The following KLK13 variants were observed in gnomAD, a reference collection of about 807,000 sequenced individuals.
The protein encoded by KLK13 is kallikrein related peptidase 13, also known as kallikrein-13.
A neutral mutation model predicts 22.4 loss-of-function variants in KLK13; 19 were observed. The observed-to-expected ratio is 0.85, with a 90% CI of 0.59 to 1.24. The LOEUF is 1.24. Among genes scored for constraint, KLK13 ranks in the 50% most tolerant of loss-of-function variants. The pLI, the probability that KLK13 is intolerant of heterozygous loss-of-function variation, is 0.00. For synonymous variants in KLK13, 156 were observed against 141.8 expected (o/e 1.10, Z -0.71); for missense variants, 311 against 347.9 (o/e 0.89, Z 0.84).
Position 51,055,902 on chromosome 19 carries a change from T to G in KLK13, c.*685A>C, listed in dbSNP as rs2091671334. On this transcript the variant is annotated 3_prime_UTR_variant, in exon 5 of 5. Coordinates refer to ENST00000595793, the MANE Select transcript of KLK13 (RefSeq NM_015596.3). ...TACTGAACCCTATAACTCTAGAGAC[T>G]AGGGTGCCATTGATTCAGAGAGGGA... Among the ~76,000 whole-genome samples, 2 of 152,118 alleles carry G rather than the reference T, an allele frequency of 1.3e-5. No individual in the cohort carries two copies. The highest frequency in any genetic ancestry group is 1.3e-4 in the Admixed American group (2 of 15,276).
At chr19:51,058,847 T>C (rs1268333733) in intron 3 of KLK13, among the ~76,000 whole-genome samples, 173 bp from the exon 4 acceptor site, 1 of 151,360 alleles carries the variant, frequency 6.6e-6, no homozygotes, top group Non-Finnish European at 1.5e-5. Flanking sequence ...GACAGAAATA[T>C]GGAGGGACAT....
chr19:51,059,980 TG>T lies in KLK13; in HGVS notation c.352del (p.His118ThrfsTer2). The T allele has an allele frequency of 6.2e-7, 1 of 1,613,454 alleles. No individual in the cohort carries two copies. Among genetic ancestry groups the T allele is most frequent in the Non-Finnish European group, 8.5e-7 (1 of 1,179,622 alleles). On this transcript the variant is annotated frameshift_variant, in exon 3 of 5. Coordinates refer to ENST00000595793, the MANE Select transcript of KLK13 (RefSeq NM_015596.3). LOFTEE classifies it high-confidence loss of function. ...CATGATGTCATGGTCGTGGTTCAGGTGGGTGGGGCTTCTCCGGTATTCAGGG... is the reference window on the plus strand; with the variant it reads ...CATGATGTCATGGTCGTGGTTCAGGTGGTGGGGCTTCTCCGGTATTCAGGG... ...PHPEYRRSPTHLNHDHDIMLL... is the reference protein window; with the variant it reads ...PHPEYRRSPTXLNHDHDIMLL...
rs1026026616 is a variant in KLK13, at chr19:51,062,594, A to G, written c.53-1975T>C. Among the ~76,000 whole-genome samples the G allele has an allele frequency of 2.0e-5, 3 of 152,172 alleles. No individual in the cohort carries two copies. The South Asian group carries it at 6.2e-4, about 32-fold the overall frequency. ...GTGTGTGCCAGGCACTGTGTCTGGC[A>G]TTGAAAGCACAGCAGGGGTCCGTGG... On this transcript the variant is annotated intron_variant, in intron 1 of 4. Coordinates refer to ENST00000595793, the MANE Select transcript of KLK13 (RefSeq NM_015596.3).
At position 51,061,307 on chromosome 19, in the gene KLK13, T is replaced by A. The variant is rs559009226; in HGVS notation, c.53-688A>T. Among the ~76,000 whole-genome samples the A allele has an allele frequency of 2.6e-5, 4 of 152,288 alleles. No individual in the cohort carries two copies. The South Asian group carries it at 8.3e-4, about 32-fold the overall frequency. ...CCAATCATCTTTCCACCCATCTCTC[T>A]ATCCTTTCACTGCATATATACTGGT... On this transcript the variant is annotated intron_variant, in intron 1 of 4. Transcript: ENST00000595793.
intron 3 of KLK13, chr19:51,059,539 A>G (rs2091705863): frequency 5.9e-6 from 1 of 170,048 alleles, no homozygotes; most frequent in Non-Finnish European, 1.2e-5. Flanking sequence ...TTTTTGTATA[A>G]TATATAATTA....
At chr19:51,061,917 C>T (rs994779860) in intron 1 of KLK13, among the ~76,000 whole-genome samples, 7 of 152,166 alleles carry the variant, frequency 4.6e-5, no homozygotes, top group African/African-American at 1.7e-4. Context: ...TCTTCAAACA[C>T]ACCAGGCATT....
In KLK13 at chr19:51,056,225, ATAGGAC is replaced by A; in HGVS notation, c.*356_*361del. 2 of 219,240 alleles carry A rather than the reference ATAGGAC, an allele frequency of 9.1e-6. No individual in the cohort carries two copies. Among genetic ancestry groups the A allele is most frequent in the Admixed American group, 5.4e-5 (1 of 18,496 alleles). 13.6% of individuals were successfully genotyped at this position (219,240 alleles called of 1,614,324 possible). On this transcript the variant is annotated 3_prime_UTR_variant, in exon 5 of 5. Coordinates refer to ENST00000595793, the MANE Select transcript of KLK13 (RefSeq NM_015596.3). ...GGATGTTGTCAAGGATGGTCCATTT[ATAGGAC>A]ATATATTGTTGAGATGGGCTGATGG...
chr19:51,059,605 T>G lies in KLK13; in HGVS notation c.508+220A>C, dbSNP rs557924115. On this transcript the variant is annotated intron_variant, in intron 3 of 4. Transcript: ENST00000595793. ...ATAATATATTCATATATTAGATCTA[T>G]TTATATTTCTATATATTCATGAATT... 6.0e-5 allele frequency: 16 copies of G among 264,968 alleles called. No individual in the cohort carries two copies. In the South Asian group the frequency reaches 6.7e-4, roughly 11 times the overall value. 16.4% of individuals were successfully genotyped at this position (264,968 alleles called of 1,614,324 possible).
intron 1 of KLK13, 61 bp from the exon 2 acceptor site, chr19:51,060,680 T>G: frequency 2.2e-6 from 3 of 1,385,198 alleles, no homozygotes; most frequent in Non-Finnish European, 3.0e-6. Flanking sequence ...GCCCTGGGGT[T>G]GTGGTTTCTG....
At chr19:51,057,130 A>G (rs1419397985) in intron 4 of KLK13, among the ~76,000 whole-genome samples, 1 of 61,314 alleles carries the variant, frequency 1.6e-5, no homozygotes, top group Non-Finnish European at 4.3e-5. Context: ...CCCTGGTACT[A>G]AATCACCCCC....
intron 1 of KLK13, chr19:51,064,811 G>A: frequency 1.6e-6 from 1 of 609,240 alleles, no homozygotes; most frequent in Non-Finnish European, 2.9e-6. Context: ...GGAGGTGAAG[G>A]GTCTGGGGTC....
At chr19:51,063,341 A>T (rs1342858655) in intron 1 of KLK13, among the ~76,000 whole-genome samples, 1 of 152,108 alleles carries the variant, frequency 6.6e-6, no homozygotes, top group Admixed American at 6.6e-5. Flanking sequence ...TCAGGACAGT[A>T]ATATAAAGTT....
chr19:51,058,132 A>C (rs1321691573), intron 4 of KLK13, among the ~76,000 whole-genome samples: 1 of 152,250 alleles, frequency 6.6e-6, no homozygotes, highest in African/African-American at 2.4e-5. Flanking sequence ...AGAATAAAGA[A>C]GAGCTGAGAG....
upstream of KLK13, among the ~76,000 whole-genome samples, chr19:51,065,432 A>C (rs916604232): frequency 6.6e-6 from 1 of 151,678 alleles, no homozygotes. Context: ...GTCTGTCCAC[A>C]CGCTTGGTAT....
At chr19:51,064,777 A>G in intron 1 of KLK13, 1 of 627,722 alleles carries the variant, frequency 1.6e-6, no homozygotes, top group South Asian at 1.7e-5. Flanking sequence ...TGAACGCGGG[A>G]GGGGCTGCTG....
intron 1 of KLK13, among the ~76,000 whole-genome samples, chr19:51,064,225 C>T (rs2091756166): frequency 6.6e-6 from 1 of 152,020 alleles, no homozygotes; most frequent in Non-Finnish European, 1.5e-5. Context: ...GGCTCGGTGG[C>T]TCATGCCTGT....
In KLK13 at chr19:51,059,939, A is replaced by C; in HGVS notation, c.394T>G (p.Ser132Ala). ...ATGTAGCCTGTGAGCTGGACCGGGG[A>C]CTGCAGCTCCAGAAGCATGATGTCA... ...DHDIMLLELQ[S>A]PVQLTGYIQT... The change falls in exon 3 of 5, where the codon TCC becomes GCC. Residue 132 changes from serine (S) to alanine (A), a missense_variant. By Grantham distance (99) the Ser-to-Ala change is moderately conservative (BLOSUM62 1). Coordinates refer to ENST00000595793, the MANE Select transcript of KLK13 (RefSeq NM_015596.3). The C allele has an allele frequency of 5.0e-6, 8 of 1,612,264 alleles. No homozygotes were observed. The highest frequency in any genetic ancestry group is 6.8e-6 in the Non-Finnish European group (8 of 1,179,082).
At position 51,065,029 on chromosome 19, in the gene KLK13, C is replaced by T; in HGVS notation, c.39G>A (p.Leu13=). ...GCGCATTCTTACCTCCTGACAAGGCCAAGGTCAGGGAGGCGATCACTAGGG... is the reference window on the plus strand; with the variant it reads ...GCGCATTCTTACCTCCTGACAAGGCTAAGGTCAGGGAGGCGATCACTAGGG... The part of the protein sequence containing the change: ...PLALVIASLT[L]ALSGGVSQES... Residue 13 remains leucine, a synonymous_variant, in exon 1 of 5, where the codon TTG becomes TTA. Coordinates refer to ENST00000595793, the MANE Select transcript of KLK13 (RefSeq NM_015596.3). The T allele has an allele frequency of 6.6e-7, 1 of 1,515,658 alleles. No homozygotes were observed. The highest frequency in any genetic ancestry group is 8.9e-7 in the Non-Finnish European group (1 of 1,124,194). 93.9% of individuals were successfully genotyped at this position (1,515,658 alleles called of 1,614,324 possible). A position where few individuals can be genotyped will look rare whatever the true frequency, so the allele number is the denominator to read the frequency against.
At position 51,060,768 on chromosome 19, in the gene KLK13, A is replaced by G. The variant is rs1396209246; in HGVS notation, c.53-149T>C. 8 of 584,632 alleles carry G rather than the reference A, an allele frequency of 1.4e-5. No individual in the cohort carries two copies. The Admixed American group carries it at 2.1e-4, about 15-fold the overall frequency. 36.2% of individuals were successfully genotyped at this position (584,632 alleles called of 1,614,324 possible). A position where few individuals can be genotyped will look rare whatever the true frequency, so the allele number is the denominator to read the frequency against. ...AATTTGCCGACCTATGGCAGTTGCTATTCTTGACCAAGTGGAGATGAATTA... is the reference window on the plus strand; with the variant it reads ...AATTTGCCGACCTATGGCAGTTGCTGTTCTTGACCAAGTGGAGATGAATTA... On this transcript the variant is annotated intron_variant, in intron 1 of 4. Coordinates refer to ENST00000595793, the MANE Select transcript of KLK13 (RefSeq NM_015596.3).
Sources: allele counts gnomAD v4.1 joint callset (sites outside exome capture counted in the v4.1 genomes callset), GRCh38; gene constraint gnomAD v4.1.1; transcripts MANE v1.5; gene names NCBI Gene and HGNC (gene_info 2026-07-23, HGNC 2026-07-21).